Variants in TEX10 observed in about 807,000 individuals in gnomAD.
The protein encoded by TEX10 is testis expressed 10.
In TEX10, 24 loss-of-function variants were observed where a neutral mutation model predicts 104.4. That is an observed-to-expected ratio of 0.23 (90% CI 0.17 to 0.32). The LOEUF (loss-of-function observed/expected upper bound fraction) is 0.32. Ranked by LOEUF, TEX10 falls within the 10% of genes least tolerant of loss-of-function variation. The pLI, the probability that TEX10 is intolerant of heterozygous loss-of-function variation, is 1.00. For missense variants in TEX10, 921 were observed against 1,083.9 expected (o/e 0.85, Z 2.11); for synonymous variants, 396 against 393.4 (o/e 1.01, Z -0.08).
chr9:100,348,748 C>T (rs1016537894), intron 2 of TEX10, among the ~76,000 whole-genome samples: 24 of 152,030 alleles, frequency 1.6e-4, no homozygotes, highest in Middle Eastern at 3.4e-3. Context: ...ACCTTGCCTC[C>T]ACAAAAAAAT....
At chr9:100,341,908 C>T (rs1268211987) in intron 4 of TEX10, among the ~76,000 whole-genome samples, 1 of 152,108 alleles carries the variant, frequency 6.6e-6, no homozygotes, top group Admixed American at 6.6e-5. Flanking sequence ...AAATATAATG[C>T]AGATCATGCC....
intron 11 of TEX10, among the ~76,000 whole-genome samples, chr9:100,312,729 G>A (rs1027885625): frequency 9.9e-5 from 15 of 152,196 alleles, no homozygotes; most frequent in African/African-American, 7.2e-5. Context: ...TACCATAACC[G>A]TATAGAAGCT....
At chr9:100,342,483 C>G (rs1257415295) in intron 4 of TEX10, among the ~76,000 whole-genome samples, 1 of 152,122 alleles carries the variant, frequency 6.6e-6, no homozygotes, top group Admixed American at 6.5e-5. Context: ...CTGCACTGTC[C>G]AATATAGTAA....
chr9:100,332,056 T>C (rs1306107256), intron 5 of TEX10, among the ~76,000 whole-genome samples: 1 of 152,204 alleles, frequency 6.6e-6, no homozygotes, highest in East Asian at 1.9e-4. Context: ...ATGTTGAGCC[T>C]AAAGTATCAT....
At chr9:100,317,928 G>T (rs139028780) in intron 11 of TEX10, among the ~76,000 whole-genome samples, 216 of 152,156 alleles carry the variant, frequency 1.4e-3, no homozygotes, top group African/African-American at 5.0e-3. Flanking sequence ...ACCACAAAAA[G>T]ATATCATCTC....
rs561583505 is a variant in TEX10, at chr9:100,308,580, T to C, written c.2385A>G (p.Pro795=). Residue 795 remains proline (P), a synonymous_variant, in exon 13 of 15, where the codon CCA becomes CCG. Coordinates refer to ENST00000374902, the MANE Select transcript of TEX10 (RefSeq NM_017746.4). ...HTCVVSETLL[P]FLASCCYSLL... The stretch of plus-strand genomic sequence containing the variant: ...GACTGTAGCAACAAGAAGCCAGAAA[T>C]GGCAGTAGAGTCTCACTAACTACAC... 2.5e-5 allele frequency: 41 copies of C among 1,613,402 alleles called. No individual in the cohort carries two copies. The South Asian group carries it at 4.3e-4, about 17-fold the overall frequency.
chr9:100,346,015 G>A, intron 4 of TEX10, 57 bp downstream of exon 4: 2 of 1,533,342 alleles, frequency 1.3e-6, no homozygotes, highest in Non-Finnish European at 1.8e-6. Context: ...TTCGAATCTT[G>A]CCATTTATGA....
chr9:100,348,516 T>C (rs1835357153), intron 2 of TEX10, among the ~76,000 whole-genome samples: 1 of 152,244 alleles, frequency 6.6e-6, no homozygotes, highest in South Asian at 2.1e-4. Context: ...AACTATGTGC[T>C]GTATGGGTTC....
intron 4 of TEX10, among the ~76,000 whole-genome samples, chr9:100,342,976 T>G (rs976908437): frequency 6.6e-6 from 1 of 151,084 alleles, no homozygotes; most frequent in Non-Finnish European, 1.5e-5. Context: ...TGAAACTCCG[T>G]CTCTACTAAA....
chr9:100,312,052 C>G lies in TEX10; in HGVS notation c.2203-1673G>C, dbSNP rs1451854290. On this transcript the variant is annotated intron_variant, in intron 11 of 14. Coordinates refer to ENST00000374902, the MANE Select transcript of TEX10 (RefSeq NM_017746.4). Reference sequence around the variant, plus strand: ...TTGTAGATATTACCCAGATATTTTACTTGGTAACTTCTTTTATACCATTAA... The same window carrying G: ...TTGTAGATATTACCCAGATATTTTAGTTGGTAACTTCTTTTATACCATTAA... Among the ~76,000 whole-genome samples, 3 of 152,152 alleles carry G rather than the reference C, an allele frequency of 2.0e-5. No individual in the cohort carries two copies. In the East Asian group the frequency reaches 5.8e-4, roughly 29 times the overall value.
intron 10 of TEX10, among the ~76,000 whole-genome samples, chr9:100,320,916 A>G (rs1834553926): frequency 6.6e-6 from 1 of 152,212 alleles, no homozygotes; most frequent in African/African-American, 2.4e-5. Context: ...GGCCTAACCT[A>G]CACAAACAAG....
At chr9:100,348,712 G>C (rs185474413) in intron 2 of TEX10, among the ~76,000 whole-genome samples, 4 of 152,242 alleles carry the variant, frequency 2.6e-5, no homozygotes, top group Admixed American at 1.3e-4. Context: ...CCAAGAGTTT[G>C]AGACCAGCCT....
chr9:100,324,761 C>T (rs138823755), intron 9 of TEX10, among the ~76,000 whole-genome samples: 27 of 152,230 alleles, frequency 1.8e-4, no homozygotes, highest in African/African-American at 6.5e-4. Flanking sequence ...GGTGATTTAA[C>T]GGAACTGAAT....
intron 9 of TEX10, among the ~76,000 whole-genome samples, 176 bp from the exon 10 acceptor site, chr9:100,321,947 G>C (rs1301251732): frequency 6.6e-6 from 1 of 152,110 alleles, no homozygotes; most frequent in African/African-American, 2.4e-5. Context: ...AAGTACCCTA[G>C]TATGAAAGTT....
intron 7 of TEX10, 32 bp downstream of exon 7, chr9:100,329,108 G>C: frequency 6.4e-7 from 1 of 1,562,840 alleles, no homozygotes. Flanking sequence ...CTCAGCAAGA[G>C]AAAAAAGAAA....
chr9:100,349,203 T>C lies in TEX10; in HGVS notation c.161A>G (p.Asn54Ser), dbSNP rs758096548. 6 of 1,548,456 alleles carry C rather than the reference T, an allele frequency of 3.9e-6. No individual in the cohort carries two copies. Among genetic ancestry groups the C allele is most frequent in the East Asian group, 2.3e-5 (1 of 43,420 alleles). ...LKEDGTLPTN[N>S]RKLNIKDLLS... Reference sequence around the variant, plus strand: ...ATTTACCTTTATGTTAAGTTTTCTATTGTTTGTTGGAAGTGTTCCATCCTC... The same window carrying C: ...ATTTACCTTTATGTTAAGTTTTCTACTGTTTGTTGGAAGTGTTCCATCCTC... Residue 54 changes from asparagine to serine, a missense_variant, in exon 2 of 15, where the codon AAT becomes AGT. Coordinates refer to ENST00000374902, the MANE Select transcript of TEX10 (RefSeq NM_017746.4).
At chr9:100,347,857 GA>G (rs892304191) in intron 2 of TEX10, among the ~76,000 whole-genome samples, 97 of 147,166 alleles carry the variant, frequency 6.6e-4, no homozygotes, top group African/African-American at 2.0e-3. Flanking sequence ...TAACCTTTGG[GA>G]AAAAAAAAAC....
rs146371597 is a variant in TEX10 at position 100,320,356 on chromosome 9, C to T, written c.2111G>A (p.Gly704Glu). 1.7e-5 allele frequency: 28 copies of T among 1,612,380 alleles called. No individual in the cohort carries two copies. In the African/African-American group the frequency reaches 3.5e-4, roughly 20 times the overall value. ...CTGTGTCTGGATGACATGAGGAACTCCTCGAAGGCTCTGAAGCCAAGTCAA... is the reference window on the plus strand; with the variant it reads ...CTGTGTCTGGATGACATGAGGAACTTCTCGAAGGCTCTGAAGCCAAGTCAA... ...EELTWLQSLR[G>E]VPHVIQTQLS... The change falls in exon 11 of 15, where the codon GGA (glycine) becomes GAA (glutamate). Residue 704 changes from glycine (G) to glutamate (E), a missense_variant. Coordinates refer to ENST00000374902, the MANE Select transcript of TEX10 (RefSeq NM_017746.4).
intron 2 of TEX10, among the ~76,000 whole-genome samples, chr9:100,348,397 TGAGA>T (rs1028278229): frequency 6.6e-6 from 1 of 152,210 alleles, no homozygotes; most frequent in African/African-American, 2.4e-5. Context: ...ATTCTTTAAA[TGAGA>T]GATTTTAATT....
Sources: gnomAD v4.1 joint callset for allele counts (sites outside exome capture counted in the v4.1 genomes callset) on GRCh38, gnomAD v4.1.1 for gene constraint, MANE v1.5 for transcripts, NCBI Gene and HGNC (gene_info 2026-07-23, HGNC 2026-07-21) for gene names.